BRPF3: variants seen among roughly 807,000 people sequenced by gnomAD.
BRPF3 encodes bromodomain and PHD finger-containing protein 3.
A neutral mutation model predicts 102.0 loss-of-function variants in BRPF3; 18 were observed. The ratio of observed to expected loss-of-function variants is 0.18; its 90% CI spans 0.12 to 0.26. The LOEUF (loss-of-function observed/expected upper bound fraction) is 0.26, where lower values mean the gene tolerates loss of function less well. BRPF3 is among the 10% of genes least tolerant of loss of function. BRPF3 has a pLI of 1.00. For synonymous variants in BRPF3, 570 were observed against 614.2 expected (o/e 0.93, Z 1.06); for missense variants, 1,147 against 1,567.8 (o/e 0.73, Z 4.53).
rs1353469290 is a variant in BRPF3, at chr6:36,200,716, C to T, written c.394C>T (p.Pro132Ser). 1 of 1,614,074 alleles carries T rather than the reference C, an allele frequency of 6.2e-7. No homozygotes were observed. The highest frequency in any genetic ancestry group is 1.3e-5 in the African/African-American group (1 of 74,932). ...CTCAGGCATCCAGCCAGAAGCACCCCCGCTGCCTGCTGCCTACTACCGCTA... is the reference window on the plus strand; with the variant it reads ...CTCAGGCATCCAGCCAGAAGCACCCTCGCTGCCTGCTGCCTACTACCGCTA... ...VDSGIQPEAPPLPAAYYRYIE... is the reference protein window; with the variant it reads ...VDSGIQPEAPSLPAAYYRYIE... The change falls in exon 2 of 13, where the codon CCG becomes TCG. Residue 132 changes from proline (P) to serine (S), a missense_variant. Physicochemically the swap from Pro to Ser is moderately conservative, Grantham distance 74. This residue lies in a region of BRPF3 where 221 missense variants were observed against 337.1 expected (regional missense o/e 0.66). Transcript: ENST00000357641. The surrounding 1 kb of genome is among the most constrained non-coding windows in gnomAD (Gnocchi z 5.3).
intron 3 of BRPF3, among the ~76,000 whole-genome samples, chr6:36,207,062 C>G (rs1767930027): frequency 6.6e-6 from 1 of 152,084 alleles, no homozygotes; most frequent in South Asian, 2.1e-4. Context: ...TCTGGCATAC[C>G]TGGGGATAGG....
At position 36,204,778 on chromosome 6, in the gene BRPF3, G is replaced by A; in HGVS notation, c.1569G>A (p.Leu523=). The part of the protein sequence containing the change: ...ARNGVPLIRR[L]HSHLQSQRNA... ...ATGGTGTCCCTCTTATCCGGCGCTT[G>A]CACTCCCATCTGCAGTCCCAAAGAA... Residue 523 remains leucine, a synonymous_variant, in exon 3 of 13, where the codon TTG becomes TTA. Transcript: ENST00000357641. 6.2e-7 allele frequency: 1 copy of A among 1,614,240 alleles called. No individual in the cohort carries two copies. The highest frequency in any genetic ancestry group is 8.5e-7 in the Non-Finnish European group (1 of 1,180,044).
chr6:36,217,105 G>A (rs1380334306), intron 8 of BRPF3, among the ~76,000 whole-genome samples: 1 of 152,166 alleles, frequency 6.6e-6, no homozygotes, highest in Non-Finnish European at 1.5e-5. Context: ...ATATACCTGG[G>A]ATGACCAAAC....
chr6:36,228,612 C>G (rs557025194), intron 11 of BRPF3, among the ~76,000 whole-genome samples: 1 of 152,134 alleles, frequency 6.6e-6, no homozygotes, highest in African/African-American at 2.4e-5. Flanking sequence ...ATGGCCTTCC[C>G]GATGCAAAGC....
chr6:36,217,231 C>T (rs1768360650), intron 8 of BRPF3, among the ~76,000 whole-genome samples: 1 of 152,064 alleles, frequency 6.6e-6, no homozygotes, highest in African/African-American at 2.4e-5. Context: ...GTCAAGAGAC[C>T]TCAAAGCAAG....
rs2127269780 is a variant in BRPF3 at position 36,196,867 on chromosome 6, C to A, written c.-130C>A. 6.6e-6 allele frequency: 1 copy of A among 151,684 alleles called. No individual in the cohort carries two copies. Among genetic ancestry groups the A allele is most frequent in the East Asian group, 2.0e-4 (1 of 5,088 alleles). 9.4% of individuals were successfully genotyped at this position (151,684 alleles called of 1,614,324 possible). ...ACGGCGGAGGCCACGGAGGCAGGCG[C>A]GGGAGAAGACCGCGCTCCGCTTCCC... is the stretch of plus-strand genomic sequence containing the variant. On this transcript the variant is annotated 5_prime_UTR_variant, in exon 1 of 13. Coordinates refer to ENST00000357641, the MANE Select transcript of BRPF3 (RefSeq NM_015695.3).
chr6:36,213,786 A>G (rs1470829099), intron 7 of BRPF3, 94 bp from the exon 8 acceptor site: 6 of 1,309,024 alleles, frequency 4.6e-6, no homozygotes, highest in African/African-American at 3.0e-5. Context: ...ATAACAGCCA[A>G]TGCTTTTGGT....
Position 36,211,467 on chromosome 6 carries a change from G to T in BRPF3, c.2389G>T (p.Val797Leu). ...PPQPPSLNKTVSNGELPAGPQ... is the reference protein window; with the variant it reads ...PPQPPSLNKTLSNGELPAGPQ... ...ACAGCCACCATCACTCAACAAGACAGTATCCAATGGGGAGCTGCCAGCAGG... is the reference window on the plus strand; with the variant it reads ...ACAGCCACCATCACTCAACAAGACATTATCCAATGGGGAGCTGCCAGCAGG... The change falls in exon 7 of 13, where the codon GTA becomes TTA. Residue 797 changes from valine to leucine, a missense_variant. By Grantham distance (32) the Val-to-Leu change is conservative. Coordinates refer to ENST00000357641, the MANE Select transcript of BRPF3 (RefSeq NM_015695.3). 1 of 1,599,178 alleles carries T rather than the reference G, an allele frequency of 6.3e-7. No homozygotes were observed. The highest frequency in any genetic ancestry group is 1.3e-5 in the African/African-American group (1 of 74,572).
At position 36,200,355 on chromosome 6, in the gene BRPF3, T is replaced by C. The variant is rs139389902; in HGVS notation, c.33T>C (p.Asn11=). 19 of 1,614,020 alleles carry C rather than the reference T, an allele frequency of 1.2e-5. No homozygotes were observed. Among genetic ancestry groups the C allele is most frequent in the Non-Finnish European group, 1.6e-5 (19 of 1,179,974 alleles). ...AGCCTCGTCGGAAGTCCCGGCAGAATGCCGAGGGCCGGCGTTCCCCGTCCC... is the reference window on the plus strand; with the variant it reads ...AGCCTCGTCGGAAGTCCCGGCAGAACGCCGAGGGCCGGCGTTCCCCGTCCC... MRKPRRKSRQ[N]AEGRRSPSPY... Residue 11 remains asparagine, a synonymous_variant, in exon 2 of 13, where the codon AAT becomes AAC. Coordinates refer to ENST00000357641, the MANE Select transcript of BRPF3 (RefSeq NM_015695.3). This position sits in a 1 kb window ranked among gnomAD's most constrained non-coding sequence, Gnocchi z 5.3.
In BRPF3 at chr6:36,207,298, T is replaced by C. The variant is rs767116703; in HGVS notation, c.1606-15T>C. Reference sequence around the variant, plus strand: ...AGAAGGAGGTTCCTAGTCCCTCTTCTCTTCCCTCCTGTAGCGAGAGCAGGA... The same window carrying C: ...AGAAGGAGGTTCCTAGTCCCTCTTCCCTTCCCTCCTGTAGCGAGAGCAGGA... On this transcript the variant is annotated splice_polypyrimidine_tract_variant and intron_variant, in intron 3 of 12. Coordinates refer to ENST00000357641, the MANE Select transcript of BRPF3 (RefSeq NM_015695.3). The C allele has an allele frequency of 1.2e-6, 2 of 1,610,368 alleles. No individual in the cohort carries two copies. Among genetic ancestry groups the C allele is most frequent in the Admixed American group, 3.3e-5 (2 of 59,864 alleles).
At chr6:36,197,629 G>C (rs1186784363) in intron 1 of BRPF3, 3 of 150,222 alleles carry the variant, frequency 2.0e-5, no homozygotes, top group East Asian at 3.9e-4. Context: ...GGGTGGGTGA[G>C]CGAGGGGTCA....
chr6:36,213,659 G>T (rs1435811983), intron 7 of BRPF3, among the ~76,000 whole-genome samples: 2 of 150,402 alleles, frequency 1.3e-5, no homozygotes, highest in African/African-American at 4.9e-5. Flanking sequence ...GCTGTGATCA[G>T]ACCACTGCAC....
At chr6:36,211,704 C>G (rs1768121182) in intron 7 of BRPF3, 144 bp downstream of exon 7, 1 of 889,020 alleles carries the variant, frequency 1.1e-6, no homozygotes, top group East Asian at 2.7e-5. Flanking sequence ...GCCACACTTC[C>G]ATGTATACGC....
chr6:36,223,277 G>A (rs1195852171), intron 10 of BRPF3, among the ~76,000 whole-genome samples: 2 of 152,158 alleles, frequency 1.3e-5, no homozygotes, highest in South Asian at 4.2e-4. Flanking sequence ...TTTCTTTCTC[G>A]TATGTGTGTT....
Position 36,210,228 on chromosome 6 carries a change from C to T in BRPF3, c.1879C>T (p.Leu627=), listed in dbSNP as rs760824038. The part of the protein sequence containing the change: ...PVNLSEVPDY[L]EFISKPMDFS... Reference sequence around the variant, plus strand: ...TTTATATGTTTAGGTTCCAGATTACCTGGAATTCATATCCAAGCCAATGGA... The same window carrying T: ...TTTATATGTTTAGGTTCCAGATTACTTGGAATTCATATCCAAGCCAATGGA... The change falls in exon 6 of 13, where the codon CTG becomes TTG. Residue 627 remains leucine, a synonymous_variant. Transcript: ENST00000357641. The surrounding 1 kb of genome is among the most constrained non-coding windows in gnomAD (Gnocchi z 4.7). The T allele has an allele frequency of 6.2e-7, 1 of 1,614,192 alleles. No homozygotes were observed. The highest frequency in any genetic ancestry group is 1.7e-5 in the Admixed American group (1 of 60,020).
Position 36,211,277 on chromosome 6 carries a change from A to G in BRPF3, c.2199A>G (p.Pro733=), listed in dbSNP as rs1561825270. Reference sequence around the variant, plus strand: ...TGGCAGTGGACAACATCCTCATCCCAGAGAACCGGGCCCATTTGTCCCCAG... The same window carrying G: ...TGGCAGTGGACAACATCCTCATCCCGGAGAACCGGGCCCATTTGTCCCCAG... ...SWEDVDNILI[P]ENRAHLSPEV... Residue 733 remains proline (P), a synonymous_variant, in exon 7 of 13, where the codon CCA becomes CCG. Coordinates refer to ENST00000357641, the MANE Select transcript of BRPF3 (RefSeq NM_015695.3). 1 of 1,613,776 alleles carries G rather than the reference A, an allele frequency of 6.2e-7. No individual in the cohort carries two copies. Among genetic ancestry groups the G allele is most frequent in the Non-Finnish European group, 8.5e-7 (1 of 1,179,758 alleles).
intron 1 of BRPF3, among the ~76,000 whole-genome samples, chr6:36,199,244 C>T (rs1222283813): frequency 6.6e-6 from 1 of 152,154 alleles, no homozygotes; most frequent in African/African-American, 2.4e-5. Flanking sequence ...CATAGGAGCG[C>T]GAACCCTACT....
chr6:36,230,777 A>G lies in BRPF3; in HGVS notation c.*168A>G, dbSNP rs1463462176. The G allele has an allele frequency of 7.0e-6, 6 of 853,456 alleles. No individual in the cohort carries two copies. The Admixed American group carries it at 1.5e-4, about 21-fold the overall frequency. The allele number at this position is 853,456 out of a possible 1,614,324, so 52.9% of individuals were successfully genotyped here. On this transcript the variant is annotated 3_prime_UTR_variant, in exon 13 of 13. Transcript: ENST00000357641. The surrounding 1 kb of genome is among the most constrained non-coding windows in gnomAD (Gnocchi z 5.4). Reference sequence around the variant, plus strand: ...CAAGGCCCCAGTTTTGACCAATCGCATGGTTCTCCTGGCAGGCCTGCTGTG... The same window carrying G: ...CAAGGCCCCAGTTTTGACCAATCGCGTGGTTCTCCTGGCAGGCCTGCTGTG...
rs1368839485 is a variant in BRPF3, at chr6:36,207,446, TAAG to T, written c.1737+3_1737+5del. On this transcript the variant is annotated splice_donor_5th_base_variant and intron_variant, in intron 4 of 12. Coordinates refer to ENST00000357641, the MANE Select transcript of BRPF3 (RefSeq NM_015695.3). ...AGAGAGAAGCTCAAACGAGAGCAGG[TAAG>T]GAGGAGCCCCCAGCCCTAGGGCCCT... The T allele has an allele frequency of 1.9e-6, 3 of 1,613,724 alleles. No individual in the cohort carries two copies.
Sources: allele counts gnomAD v4.1 joint callset (sites outside exome capture counted in the v4.1 genomes callset), GRCh38; gene constraint gnomAD v4.1.1; regional missense constraint gnomAD v4.1.1; non-coding constraint Gnocchi (gnomAD v3.1); transcripts MANE v1.5; gene names NCBI Gene and HGNC (gene_info 2026-07-23, HGNC 2026-07-21).